Variants in DDX20 observed in about 807,000 individuals in gnomAD.
The protein encoded by DDX20 is DEAD-box helicase 20.
DDX20 carries 61 observed loss-of-function variants against 76.4 expected under a neutral mutation model. That is an observed-to-expected ratio of 0.80 (90% CI 0.65 to 0.99). The LOEUF is 0.99. Ranked by LOEUF, DDX20 falls within the 50% of genes least tolerant of loss-of-function variation. The pLI is 0.00. For missense variants in DDX20, 976 were observed against 996.8 expected (o/e 0.98, Z 0.28); for synonymous variants, 357 against 357.4 (o/e 1.00, Z 0.01).
chr1:111,766,029 A>C lies in DDX20; in HGVS notation c.1605A>C (p.Glu535Asp). 6.2e-7 allele frequency: 1 copy of C among 1,614,190 alleles called. No homozygotes were observed. The highest frequency in any genetic ancestry group is 1.1e-5 in the South Asian group (1 of 91,084). ...TAGAAAAAGCAACGTCACCAAAAGA[A>C]CTGGGCTGTGACAGGCAATCCGAAG... ...GIIEKATSPK[E>D]LGCDRQSEEQ... Residue 535 changes from glutamate to aspartate, a missense_variant, in exon 11 of 11, where the codon GAA becomes GAC. By Grantham distance (45) the Glu-to-Asp change is conservative. Around this residue, in one of 3 missense-constraint regions of DDX20, gnomAD observed 630 missense variants for 693.7 expected, o/e 0.91. Coordinates refer to ENST00000369702, the MANE Select transcript of DDX20 (RefSeq NM_007204.5).
chr1:111,766,043 G>C lies in DDX20; in HGVS notation c.1619G>C (p.Arg540Thr). ...TCACCAAAAGAACTGGGCTGTGACA[G>C]GCAATCCGAAGAGCAAATGAAGAAT... Reference protein sequence around the residue: ...ATSPKELGCDRQSEEQMKNSV... With the variant: ...ATSPKELGCDTQSEEQMKNSV... Residue 540 changes from arginine (R) to threonine (T), a missense_variant, in exon 11 of 11, where the codon AGG becomes ACG. This residue lies in a region of DDX20 where 630 missense variants were observed against 693.7 expected (regional missense o/e 0.91). Coordinates refer to ENST00000369702, the MANE Select transcript of DDX20 (RefSeq NM_007204.5). The C allele has an allele frequency of 3.7e-6, 6 of 1,614,226 alleles. No individual in the cohort carries two copies. The highest frequency in any genetic ancestry group is 5.1e-6 in the Non-Finnish European group (6 of 1,180,042).
chr1:111,759,504 A>AGG lies in DDX20; in HGVS notation c.503_504dup (p.Thr169GlyfsTer28). Reference sequence around the variant, plus strand: ...GCTTAGAGTGTCATGTCTTTATTGGAGGGACCCCATTATCACAAGACAAAA... The same window carrying AGG: ...GCTTAGAGTGTCATGTCTTTATTGGAGGGGGACCCCATTATCACAAGACAAAA... On this transcript the variant is annotated frameshift_variant, in exon 3 of 11. Coordinates refer to ENST00000369702, the MANE Select transcript of DDX20 (RefSeq NM_007204.5). LOFTEE classifies it high-confidence loss of function. 4 of 1,613,922 alleles carry AGG rather than the reference A, an allele frequency of 2.5e-6. No homozygotes were observed. Among genetic ancestry groups the AGG allele is most frequent in the Non-Finnish European group, 2.5e-6 (3 of 1,179,910 alleles).
rs186590209 is a variant in DDX20, at chr1:111,767,031, C to T, written c.*132C>T. On this transcript the variant is annotated 3_prime_UTR_variant, in exon 11 of 11. Coordinates refer to ENST00000369702, the MANE Select transcript of DDX20 (RefSeq NM_007204.5). ...ACTTGAAAAGACTTGAGTCTTTCCA[C>T]TGGGACACATCCATTTTTCAGATTG... is the stretch of plus-strand genomic sequence containing the variant. 129 of 611,710 alleles carry T rather than the reference C, an allele frequency of 2.1e-4. No individual in the cohort carries two copies. The highest frequency in any genetic ancestry group is 2.0e-3 in the African/African-American group (106 of 54,168). 37.9% of individuals were successfully genotyped at this position (611,710 alleles called of 1,614,324 possible). A position where few individuals can be genotyped will look rare whatever the true frequency, so the allele number is the denominator to read the frequency against.
intron 5 of DDX20, 40 bp from the exon 6 acceptor site, chr1:111,760,947 A>G: frequency 6.2e-7 from 1 of 1,605,490 alleles, no homozygotes; most frequent in Non-Finnish European, 8.5e-7. Flanking sequence ...GGTTACCATT[A>G]GCATATATAT....
At chr1:111,761,742 T>G (rs1289126133) in intron 7 of DDX20, 1 of 154,956 alleles carries the variant, frequency 6.5e-6, no homozygotes, top group Non-Finnish European at 1.4e-5. Context: ...GCTGGCATAA[T>G]AAGAATGAAA....
Position 111,762,893 on chromosome 1 carries a change from T to C in DDX20, c.1211-13T>C, listed in dbSNP as rs1557922859. 4.4e-6 allele frequency: 7 copies of C among 1,604,962 alleles called. No homozygotes were observed. The highest frequency in any genetic ancestry group is 6.0e-6 in the Non-Finnish European group (7 of 1,171,810). On this transcript the variant is annotated splice_polypyrimidine_tract_variant and intron_variant, in intron 9 of 10. Transcript: ENST00000369702. ...GAAAATGATTTACTACCTAACATTCTCTCTGCTTTTAGGTACATTGGGGCT... is the reference window on the plus strand; with the variant it reads ...GAAAATGATTTACTACCTAACATTCCCTCTGCTTTTAGGTACATTGGGGCT...
rs774064706 is a variant in DDX20 at position 111,766,245 on chromosome 1, G to A, written c.1821G>A (p.Glu607=). Residue 607 remains glutamate (E), a synonymous_variant, in exon 11 of 11, where the codon GAG becomes GAA. Coordinates refer to ENST00000369702, the MANE Select transcript of DDX20 (RefSeq NM_007204.5). ...DYEHYIKEGL[E]KPVEIIRHYT... The stretch of plus-strand genomic sequence containing the variant: ...AACATTATATTAAAGAGGGGTTAGA[G>A]AAACCTGTGGAAATCATCAGGCACT... 6.2e-7 allele frequency: 1 copy of A among 1,614,154 alleles called. No homozygotes were observed. The highest frequency in any genetic ancestry group is 8.5e-7 in the Non-Finnish European group (1 of 1,180,024).
At chr1:111,763,375 G>A (rs1663713304) in intron 10 of DDX20, among the ~76,000 whole-genome samples, 1 of 152,066 alleles carries the variant, frequency 6.6e-6, no homozygotes, top group African/African-American at 2.4e-5. Context: ...AGTTCAAGAC[G>A]AGCCTGGTCA....
At chr1:111,762,173 T>TA in intron 7 of DDX20, 82 bp from the exon 8 acceptor site, 15 of 1,097,834 alleles carry the variant, frequency 1.4e-5, no homozygotes, top group Non-Finnish European at 2.0e-5. Flanking sequence ...GACTGGGTGT[T>TA]ATGCTTTTTA....
Position 111,766,784 on chromosome 1 carries a change from ATT to A in DDX20, c.2361_2362del (p.Tyr787Ter), listed in dbSNP as rs1477800649. ...GCTTACTACAGGGCATGGCAAGAATATTATGCTGCCGCTTCTCATTCATATTA... is the reference window on the plus strand; with the variant it reads ...GCTTACTACAGGGCATGGCAAGAATAATGCTGCCGCTTCTCATTCATATTA... On this transcript the variant is annotated stop_gained and frameshift_variant, in exon 11 of 11. Transcript: ENST00000369702. LOFTEE classifies it high-confidence loss of function. The A allele has an allele frequency of 1.2e-6, 2 of 1,614,160 alleles. No homozygotes were observed. The highest frequency in any genetic ancestry group is 8.5e-7 in the Non-Finnish European group (1 of 1,179,992).
rs751701372 is a variant in DDX20 at position 111,766,873 on chromosome 1, C to T, written c.2449C>T (p.Gln817Ter). 4.3e-6 allele frequency: 7 copies of T among 1,611,106 alleles called. No homozygotes were observed. Among genetic ancestry groups the T allele is most frequent in the Non-Finnish European group, 4.2e-6 (5 of 1,178,642 alleles). Reference sequence around the variant, plus strand: ...TTATCACATGAATACCATTTATCTACAAGAAATGATGCATAGTAACCAGTG... The same window carrying T: ...TTATCACATGAATACCATTTATCTATAAGAAATGATGCATAGTAACCAGTG... Reference protein sequence around the residue: ...AAYHMNTIYLQEMMHSNQ With the variant: ...AAYHMNTIYL The change falls in exon 11 of 11, where the codon CAA becomes TAA. Residue 817 changes from glutamine (Q) to a stop codon, truncating the protein, a stop_gained. Transcript: ENST00000369702. LOFTEE classifies it high-confidence loss of function.
At chr1:111,759,298 A>T in intron 2 of DDX20, 102 bp from the exon 3 acceptor site, 1 of 918,862 alleles carries the variant, frequency 1.1e-6, no homozygotes, top group Non-Finnish European at 1.6e-6. Context: ...CTCATTTGAA[A>T]TGATCATTTA....
Position 111,767,762 on chromosome 1 carries a change from C to G in DDX20, c.*863C>G, listed in dbSNP as rs1487296882. Reference sequence around the variant, plus strand: ...ACCCTCTGAAGTTCATCTATACAGTCCAGATTAACAAGTGACCTGCTCTGC... The same window carrying G: ...ACCCTCTGAAGTTCATCTATACAGTGCAGATTAACAAGTGACCTGCTCTGC... On this transcript the variant is annotated 3_prime_UTR_variant, in exon 11 of 11. Transcript: ENST00000369702. 2.0e-5 allele frequency: 3 copies of G among 152,118 alleles called. No individual in the cohort carries two copies. Among genetic ancestry groups the G allele is most frequent in the Non-Finnish European group, 4.4e-5 (3 of 68,016 alleles). The allele number at this position is 152,118 out of a possible 1,614,324, so 9.4% of individuals were successfully genotyped here. A position where few individuals can be genotyped will look rare whatever the true frequency, so the allele number is the denominator to read the frequency against.
intron 10 of DDX20, among the ~76,000 whole-genome samples, chr1:111,764,572 G>C (rs1663739408): frequency 6.6e-6 from 1 of 152,172 alleles, no homozygotes; most frequent in Non-Finnish European, 1.5e-5. Context: ...TTCTAAAACT[G>C]TCAGTTCTTT....
At position 111,761,256 on chromosome 1, in the gene DDX20, T is replaced by TA. The variant is rs1663669088; in HGVS notation, c.996dup (p.Gly333ArgfsTer5). ...AACATTTGGCTGATATCCTTTCTTCTAAAGGCTTTCCTGCTGAGTGCATTT... is the reference window on the plus strand; with the variant it reads ...AACATTTGGCTGATATCCTTTCTTCTAAAAGGCTTTCCTGCTGAGTGCATTT... On this transcript the variant is annotated frameshift_variant, in exon 7 of 11. Transcript: ENST00000369702. LOFTEE classifies it high-confidence loss of function. 6.2e-7 allele frequency: 1 copy of TA among 1,613,364 alleles called. No homozygotes were observed. The highest frequency in any genetic ancestry group is 1.7e-5 in the Admixed American group (1 of 59,988).
intron 3 of DDX20, 178 bp from the exon 4 acceptor site, chr1:111,760,296 T>C: frequency 3.9e-6 from 2 of 506,580 alleles, no homozygotes; most frequent in East Asian, 3.3e-5. Flanking sequence ...ACAATGAGTT[T>C]AGTCAAGATC....
chr1:111,756,266 G>GGGC, intron 1 of DDX20, 41 bp downstream of exon 1: 21 of 842,450 alleles, frequency 2.5e-5, no homozygotes, highest in Admixed American at 3.9e-5. Context: ...GGTGGGGTGG[G>GGGC]AGAAGGGGGA....
Position 111,760,522 on chromosome 1 carries a change from T to TA in DDX20, c.615dup (p.Arg206ThrfsTer6). The TA allele has an allele frequency of 6.2e-7, 1 of 1,613,250 alleles. No individual in the cohort carries two copies. The highest frequency in any genetic ancestry group is 2.2e-5 in the East Asian group (1 of 44,856). On this transcript the variant is annotated frameshift_variant, in exon 4 of 11. Transcript: ENST00000369702. LOFTEE classifies it high-confidence loss of function. ...CTTGACTACTTGAACCCAGGCAGTA[T>TA]ACGCCTCTTTATTCTTGATGAAGCA...
At chr1:111,761,589 G>T (rs1213339831) in intron 7 of DDX20, 2 of 202,858 alleles carry the variant, frequency 9.9e-6, no homozygotes, top group Admixed American at 5.9e-5. Flanking sequence ...TCTGTATTGT[G>T]TTAAGATAAA....
Sources: allele counts gnomAD v4.1 joint callset (sites outside exome capture counted in the v4.1 genomes callset), GRCh38; gene constraint gnomAD v4.1.1; regional missense constraint gnomAD v4.1.1; transcripts MANE v1.5; gene names NCBI Gene and HGNC (gene_info 2026-07-23, HGNC 2026-07-21).